Variants in MAPRE3 observed in about 807,000 individuals in gnomAD.
MAPRE3 encodes the protein microtubule associated protein RP/EB family member 3, also known as microtubule-associated protein RP/EB family member 3.
MAPRE3 carries 2 observed loss-of-function variants against 30.5 expected under a neutral mutation model. The observed-to-expected ratio is 0.07, with a 90% CI of 0.03 to 0.21. The LOEUF is 0.21. Ranked by LOEUF, MAPRE3 falls within the 10% of genes least tolerant of loss-of-function variation. The probability of loss-of-function intolerance (pLI) is 1.00; values close to 1 mark genes in which losing one functional copy is unlikely to be tolerated. For missense variants in MAPRE3, 204 were observed against 351.8 expected, an observed-to-expected ratio of 0.58 and a Z score of 3.36; for synonymous variants, 110 against 127.7, an observed-to-expected ratio of 0.86 and a Z score of 0.93.
rs755091160 is a variant in MAPRE3, at chr2:27,025,654, C to A, written c.541C>A (p.Pro181Thr). 6 of 1,611,984 alleles carry A rather than the reference C, an allele frequency of 3.7e-6. No individual in the cohort carries two copies. Among genetic ancestry groups the A allele is most frequent in the South Asian group, 1.1e-5 (1 of 90,716 alleles). The change falls in exon 5 of 7, where the codon CCC (proline) becomes ACC (threonine). Residue 181 changes from proline to threonine, a missense_variant. Around this residue, in one of 5 missense-constraint regions of MAPRE3, gnomAD observed 32 missense variants for 20.7 expected, o/e 1.55. Transcript: ENST00000233121. ...TSGRLSNVAP[P>T]CILRKNPPSA... ...TGGCCGGCTGAGCAATGTGGCCCCC[C>A]CCTGCATTCTCCGGAAGAATCCTCC...
Position 26,970,650 on chromosome 2 carries a change from C to T in MAPRE3, c.-160C>T, listed in dbSNP as rs1488219515. On this transcript the variant is annotated 5_prime_UTR_variant, in exon 1 of 7. Coordinates refer to ENST00000233121, the MANE Select transcript of MAPRE3 (RefSeq NM_012326.4). ...TCGCGCCTGCGCAGTGCCCTCGTCC[C>T]CCGCAGTCTCTGTGCGTTGAAGCCG... is the stretch of plus-strand genomic sequence containing the variant. The T allele has an allele frequency of 6.6e-6, 1 of 152,322 alleles. No individual in the cohort carries two copies. Among genetic ancestry groups the T allele is most frequent in the Non-Finnish European group, 1.5e-5 (1 of 68,082 alleles). The allele number at this position is 152,322 out of a possible 1,614,324, so 9.4% of individuals were successfully genotyped here. A position where few individuals can be genotyped will look rare whatever the true frequency, so the allele number is the denominator to read the frequency against.
In MAPRE3 at chr2:26,990,469, A is replaced by G. The variant is rs17601757; in HGVS notation, c.-8+19667A>G. ...TTCCTGAACCTTTGCAGAGGAATGA[A>G]TCCTTCTCAGATACCAAAGAATACC... On this transcript the variant is annotated intron_variant, in intron 1 of 6. Transcript: ENST00000233121. Among the ~76,000 whole-genome samples, 597 of 152,314 alleles carry G rather than the reference A, an allele frequency of 3.9e-3. 6 individuals carry two copies. Among genetic ancestry groups the G allele is most frequent in the Non-Finnish European group, 5.9e-3 (403 of 68,018 alleles).
intron 1 of MAPRE3, among the ~76,000 whole-genome samples, chr2:27,003,356 C>T (rs1666646257): frequency 1.3e-5 from 2 of 152,176 alleles, no homozygotes; most frequent in South Asian, 4.1e-4. Context: ...CCCCAGACCA[C>T]ATCACTACCC....
intron 1 of MAPRE3, among the ~76,000 whole-genome samples, chr2:26,988,419 T>TA (rs1193804297): frequency 2.0e-5 from 3 of 152,246 alleles, no homozygotes; most frequent in African/African-American, 7.2e-5. Context: ...TGGTCATTAA[T>TA]AGCTGCAACT....
chr2:27,005,973 G>A (rs886815659), intron 1 of MAPRE3, among the ~76,000 whole-genome samples: 2 of 152,182 alleles, frequency 1.3e-5, no homozygotes, highest in Non-Finnish European at 2.9e-5. Flanking sequence ...ACGAGGTCAG[G>A]AGATCGAGAT....
chr2:27,013,823 G>A (rs571947424), intron 1 of MAPRE3: 1 of 152,256 alleles, frequency 6.6e-6, no homozygotes, highest in Non-Finnish European at 1.5e-5. Flanking sequence ...CTATGTCAGT[G>A]ATCTTGCCTA....
rs1667180801 is a variant in MAPRE3, at chr2:27,024,248, C to T, written c.420C>T (p.Asn140=). 3.1e-6 allele frequency: 5 copies of T among 1,614,102 alleles called. No homozygotes were observed. In the African/African-American group the frequency reaches 5.3e-5, roughly 17 times the overall value. The change falls in exon 4 of 7, where the codon AAC becomes AAT. Residue 140 remains asparagine (N), a synonymous_variant. Transcript: ENST00000233121. ...GCCAGGACGTAGCGCCACCTCCTAA[C>T]CCAGGTGATCAGATCTTCAACAAAT... ...RQGQDVAPPP[N]PGDQIFNKSK...
At chr2:27,013,511 T>C (rs951248180) in intron 1 of MAPRE3, 1 of 152,196 alleles carries the variant, frequency 6.6e-6, no homozygotes, top group Admixed American at 6.5e-5. Flanking sequence ...AACCACACTT[T>C]CTGAGTCCAC....
At position 26,980,684 on chromosome 2, in the gene MAPRE3, A is replaced by G. The variant is rs117609570; in HGVS notation, c.-8+9882A>G. Among the ~76,000 whole-genome samples the G allele has an allele frequency of 9.8e-4, 149 of 152,356 alleles. 3 individuals carry two copies. In the East Asian group the frequency reaches 0.024, roughly 24 times the overall value. Reference sequence around the variant, plus strand: ...TATTTATTCATGGTATATTCCATAAAGTGAATTACAGAGGTGCAAAGGGTA... The same window carrying G: ...TATTTATTCATGGTATATTCCATAAGGTGAATTACAGAGGTGCAAAGGGTA... On this transcript the variant is annotated intron_variant, in intron 1 of 6. Transcript: ENST00000233121.
At chr2:26,971,020 C>T (rs905525598) in intron 1 of MAPRE3, among the ~76,000 whole-genome samples, 2 of 152,092 alleles carry the variant, frequency 1.3e-5, no homozygotes, top group African/African-American at 4.8e-5. Context: ...CTCCCCCTCC[C>T]CTTCCCTCCC....
At chr2:26,997,561 G>A (rs545189316) in intron 1 of MAPRE3, among the ~76,000 whole-genome samples, 33 of 152,002 alleles carry the variant, frequency 2.2e-4, no homozygotes, top group Admixed American at 4.6e-4. Flanking sequence ...ATCTGGTGCC[G>A]CCGCTGATCT....
At chr2:26,984,025 A>G (rs930093325) in intron 1 of MAPRE3, among the ~76,000 whole-genome samples, 1 of 152,212 alleles carries the variant, frequency 6.6e-6, no homozygotes, top group African/African-American at 2.4e-5. Context: ...ATTCCTCTGA[A>G]GAACACTCGA....
At chr2:26,974,306 G>T (rs962660104) in intron 1 of MAPRE3, among the ~76,000 whole-genome samples, 2 of 152,220 alleles carry the variant, frequency 1.3e-5, no homozygotes, top group African/African-American at 2.4e-5. Flanking sequence ...GCAAAATTTT[G>T]TGTCAAACTG....
chr2:27,010,362 G>A (rs1666822187), intron 1 of MAPRE3, among the ~76,000 whole-genome samples: 1 of 152,108 alleles, frequency 6.6e-6, no homozygotes. Flanking sequence ...TAGAACTTGA[G>A]GGTAGGATAT....
At chr2:26,987,494 T>C (rs577012525) in intron 1 of MAPRE3, among the ~76,000 whole-genome samples, 1 of 151,932 alleles carries the variant, frequency 6.6e-6, no homozygotes, top group East Asian at 1.9e-4. Context: ...AAAAAATAGC[T>C]GGGCATGGTG....
At chr2:27,007,802 T>A (rs1454550337) in intron 1 of MAPRE3, among the ~76,000 whole-genome samples, 1 of 152,206 alleles carries the variant, frequency 6.6e-6, no homozygotes, top group Non-Finnish European at 1.5e-5. Flanking sequence ...GTAAAATACA[T>A]ATCTACAACT....
chr2:26,993,327 G>A (rs1244863279), intron 1 of MAPRE3, among the ~76,000 whole-genome samples: 7 of 152,070 alleles, frequency 4.6e-5, no homozygotes, highest in East Asian at 1.9e-4. Flanking sequence ...CCGAGATTGC[G>A]CCACTGTACT....
intron 3 of MAPRE3, 130 bp downstream of exon 3, chr2:27,023,607 TC>T: frequency 9.0e-7 from 1 of 1,105,554 alleles, no homozygotes; most frequent in Non-Finnish European, 1.3e-6. Context: ...CTCCCGACTC[TC>T]CAGAGGGAAT....
intron 1 of MAPRE3, among the ~76,000 whole-genome samples, chr2:27,006,867 A>G (rs867422151): frequency 3.9e-5 from 6 of 152,314 alleles, no homozygotes; most frequent in South Asian, 2.1e-4. Flanking sequence ...TAGAGAAATA[A>G]CAGGACAGAA....
Sources: gnomAD v4.1 joint callset for allele counts (sites outside exome capture counted in the v4.1 genomes callset) on GRCh38, gnomAD v4.1.1 for gene constraint, gnomAD v4.1.1 regional missense constraint, MANE v1.5 for transcripts, NCBI Gene and HGNC (gene_info 2026-07-23, HGNC 2026-07-21) for gene names.